DYNC1H1: variants seen among roughly 807,000 people sequenced by gnomAD.
DYNC1H1 encodes cytoplasmic dynein 1 heavy chain 1.
In DYNC1H1, 51 loss-of-function variants were observed where a neutral mutation model predicts 527.1. That is an observed-to-expected ratio of 0.10 (90% CI 0.08 to 0.12). The LOEUF is 0.12. DYNC1H1 is among the 10% of genes least tolerant of loss of function. The probability of loss-of-function intolerance (pLI) is 1.00; values close to 1 mark genes in which losing one functional copy is unlikely to be tolerated. For synonymous variants in DYNC1H1, 2,189 were observed against 2,278.8 expected (o/e 0.96, Z 1.12); for missense variants, 2,771 against 5,971.8 (o/e 0.46, Z 17.66).
At chr14:101,975,449 T>G (rs1346019682) in intron 1 of DYNC1H1, among the ~76,000 whole-genome samples, 7 of 152,180 alleles carry the variant, frequency 4.6e-5, no homozygotes, top group Admixed American at 2.0e-4. Flanking sequence ...TTCCAGTGCT[T>G]TCATGCACCA....
rs2048870873 is a variant in DYNC1H1 at position 102,055,820 on chromosome 14, C to T, written c.*5257C>T. The T allele has an allele frequency of 6.6e-6, 1 of 152,554 alleles. No homozygotes were observed. The highest frequency in any genetic ancestry group is 2.4e-5 in the African/African-American group (1 of 41,458). The allele number at this position is 152,554 out of a possible 1,614,324, so 9.5% of individuals were successfully genotyped here. A position where few individuals can be genotyped will look rare whatever the true frequency, so the allele number is the denominator to read the frequency against. ...TCAAAACATGTCCAGAATTCAGCCA[C>T]ATCTCCCCACTTCCCCGCCTGGCCC... On this transcript the variant is annotated 3_prime_UTR_variant, in exon 78 of 78. Transcript: ENST00000360184.
At chr14:102,025,968 AC>A (rs2048445260) in intron 43 of DYNC1H1, among the ~76,000 whole-genome samples, 3 of 152,048 alleles carry the variant, frequency 2.0e-5, no homozygotes, top group Non-Finnish European at 4.4e-5. Context: ...TACAAAAATT[AC>A]CTGGGCATGG....
At chr14:102,047,540 AATATAT>A (rs1201814640) in intron 72 of DYNC1H1, 3 of 206,528 alleles carry the variant, frequency 1.5e-5, no homozygotes, top group South Asian at 1.6e-4. Flanking sequence ...CCATCTCAAA[AATATAT>A]ATATACACAC....
chr14:102,027,019 C>A lies in DYNC1H1; in HGVS notation c.8772-155C>A. The A allele has an allele frequency of 2.1e-6, 2 of 958,118 alleles. No individual in the cohort carries two copies. The highest frequency in any genetic ancestry group is 1.3e-5 in the South Asian group (1 of 75,662). 59.4% of individuals were successfully genotyped at this position (958,118 alleles called of 1,614,324 possible). On this transcript the variant is annotated intron_variant, in intron 44 of 77. Transcript: ENST00000360184. This position sits in a 1 kb window ranked among gnomAD's most constrained non-coding sequence, Gnocchi z 7.7. ...ACCGTGTCTTACTGGTCTTTGCATT[C>A]CTCCTGGACTTCACAAATAACAGTT...
In DYNC1H1 at chr14:102,034,438, G is replaced by C; in HGVS notation, c.10740G>C (p.Leu3580=). 2 of 1,613,028 alleles carry C rather than the reference G, an allele frequency of 1.2e-6. No homozygotes were observed. Among genetic ancestry groups the C allele is most frequent in the Non-Finnish European group, 1.7e-6 (2 of 1,180,042 alleles). ...DDLCTENAIM[L]KRFNRYPLII... ...TTTGCACAGAAAATGCCATCATGCT[G>C]AAACGATTCAATAGGTATGAGCTCG... Residue 3580 remains leucine, a synonymous_variant, in exon 56 of 78, where the codon CTG becomes CTC. Transcript: ENST00000360184.
At chr14:102,040,478 C>A in intron 63 of DYNC1H1, 68 bp downstream of exon 63, 1 of 1,612,314 alleles carries the variant, frequency 6.2e-7, no homozygotes, top group South Asian at 1.1e-5. Context: ...TAAGGAATTG[C>A]ATGTGGTATA....
In DYNC1H1 at chr14:102,049,778, A is replaced by T; in HGVS notation, c.13580A>T (p.Tyr4527Phe). 1 of 1,613,896 alleles carries T rather than the reference A, an allele frequency of 6.2e-7. No individual in the cohort carries two copies. Among genetic ancestry groups the T allele is most frequent in the Non-Finnish European group, 8.5e-7 (1 of 1,180,028 alleles). Residue 4527 changes from tyrosine to phenylalanine, a missense_variant, in exon 76 of 78, where the codon TAT (tyrosine) becomes TTT (phenylalanine). Tyr to Phe is a conservative substitution (Grantham distance 22, BLOSUM62 3). This residue lies in a region of DYNC1H1 where 5 missense variants were observed against 28.5 expected (regional missense o/e 0.18). Transcript: ENST00000360184. The surrounding 1 kb of genome is among the most constrained non-coding windows in gnomAD (Gnocchi z 5.5). ...PEAYITATRQYVAQANSWSLE... is the reference protein window; with the variant it reads ...PEAYITATRQFVAQANSWSLE... The stretch of plus-strand genomic sequence containing the variant: ...GCGTACATCACTGCCACCAGGCAGT[A>T]TGTGGCCCAGGCCAACAGCTGGTCC...
At chr14:102,048,817 GGC>G in intron 74 of DYNC1H1, 148 bp downstream of exon 74, 1 of 400,196 alleles carries the variant, frequency 2.5e-6, no homozygotes, top group South Asian at 1.9e-5. Flanking sequence ...CCTCAAGGTG[GGC>G]GGGGGGAGGG....
chr14:102,050,775 A>G lies in DYNC1H1; in HGVS notation c.*212A>G, dbSNP rs955206427. 6 of 659,764 alleles carry G rather than the reference A, an allele frequency of 9.1e-6. No individual in the cohort carries two copies. The highest frequency in any genetic ancestry group is 1.5e-5 in the Non-Finnish European group (6 of 390,040). The allele number at this position is 659,764 out of a possible 1,614,324, so 40.9% of individuals were successfully genotyped here. A position where few individuals can be genotyped will look rare whatever the true frequency, so the allele number is the denominator to read the frequency against. ...CCAATGGCGTGGCTCCTTTGAGGAA[A>G]TAAAACACTAAGCATGAGCCGGCTC... On this transcript the variant is annotated 3_prime_UTR_variant, in exon 78 of 78. Transcript: ENST00000360184.
intron 23 of DYNC1H1, among the ~76,000 whole-genome samples, 174 bp downstream of exon 23, chr14:102,003,139 T>C (rs766492684): frequency 6.6e-6 from 1 of 152,262 alleles, no homozygotes; most frequent in African/African-American, 2.4e-5. Context: ...CAGTGATTAC[T>C]GATTGTACCT....
intron 29 of DYNC1H1, 124 bp from the exon 30 acceptor site, chr14:102,009,719 G>T: frequency 6.7e-7 from 1 of 1,495,272 alleles, no homozygotes; most frequent in Non-Finnish European, 9.1e-7. Flanking sequence ...AGCCCCCGAG[G>T]AAGCGTCTAC....
At chr14:101,994,079 G>A in intron 11 of DYNC1H1, 105 bp from the exon 12 acceptor site, 1 of 1,547,694 alleles carries the variant, frequency 6.5e-7, no homozygotes. Flanking sequence ...ATGCCATTTT[G>A]GTCATGAGCT....
chr14:102,049,935 C>T lies in DYNC1H1; in HGVS notation c.13684+53C>T. 4 of 1,613,670 alleles carry T rather than the reference C, an allele frequency of 2.5e-6. No homozygotes were observed. The South Asian group carries it at 4.4e-5, about 18-fold the overall frequency. On this transcript the variant is annotated intron_variant, in intron 76 of 77. Transcript: ENST00000360184. This position sits in a 1 kb window ranked among gnomAD's most constrained non-coding sequence, Gnocchi z 5.5. The stretch of plus-strand genomic sequence containing the variant: ...GCTCTTTGCAGGTGACCTCGGTGGC[C>T]TGAGACCATTGTTCCCAGATACATG...
rs1003453541 is a variant in DYNC1H1 at position 102,042,977 on chromosome 14, A to T, written c.12513+229A>T. 3 of 577,328 alleles carry T rather than the reference A, an allele frequency of 5.2e-6. No homozygotes were observed. The highest frequency in any genetic ancestry group is 9.5e-6 in the Non-Finnish European group (3 of 315,796). 35.8% of individuals were successfully genotyped at this position (577,328 alleles called of 1,614,324 possible). A position where few individuals can be genotyped will look rare whatever the true frequency, so the allele number is the denominator to read the frequency against. ...CGAGGTGGGAGGATCACTTGAGCCC[A>T]GGAGTTCAAGACTGTCTGGGCAGGC... On this transcript the variant is annotated intron_variant, in intron 69 of 77. Transcript: ENST00000360184. This position sits in a 1 kb window ranked among gnomAD's most constrained non-coding sequence, Gnocchi z 5.7.
chr14:101,986,032 G>A lies in DYNC1H1; in HGVS notation c.1807G>A (p.Glu603Lys). The A allele has an allele frequency of 6.2e-7, 1 of 1,614,180 alleles. No individual in the cohort carries two copies. Among genetic ancestry groups the A allele is most frequent in the Non-Finnish European group, 8.5e-7 (1 of 1,180,040 alleles). The change falls in exon 8 of 78, where the codon GAA becomes AAA. Residue 603 changes from glutamate to lysine, a missense_variant. Around this residue, in one of 32 missense-constraint regions of DYNC1H1, gnomAD observed 264 missense variants for 619.4 expected, o/e 0.43. Coordinates refer to ENST00000360184, the MANE Select transcript of DYNC1H1 (RefSeq NM_001376.5). The surrounding 1 kb of genome is among the most constrained non-coding windows in gnomAD (Gnocchi z 8.7). ...GCCTCACATCCGTGGGGCCATTCGC[G>A]AATACCAGACCCAGCTGATCCAGCG... ...VRPHIRGAIR[E>K]YQTQLIQRVK...
Position 102,027,936 on chromosome 14 carries a change from G to A in DYNC1H1, c.9264-1G>A, listed in dbSNP as rs1194895253. 1 of 1,614,170 alleles carries A rather than the reference G, an allele frequency of 6.2e-7. No homozygotes were observed. ...TCCTGAAACATGGGCCTCTTTCTCAGGTGTGTGTTGAATTGGTTTGGAGAC... is the reference window on the plus strand; with the variant it reads ...TCCTGAAACATGGGCCTCTTTCTCAAGTGTGTGTTGAATTGGTTTGGAGAC... On this transcript the variant is annotated splice_acceptor_variant, in intron 47 of 77. Transcript: ENST00000360184. LOFTEE classifies it high-confidence loss of function. This position sits in a 1 kb window ranked among gnomAD's most constrained non-coding sequence, Gnocchi z 7.7.
chr14:101,988,340 G>A (rs2047959022), intron 9 of DYNC1H1, among the ~76,000 whole-genome samples: 1 of 152,226 alleles, frequency 6.6e-6, no homozygotes, highest in Non-Finnish European at 1.5e-5. Context: ...CCGTAGACAA[G>A]TGGGGATGGG....
chr14:101,998,027 AGT>A (rs2048084129), intron 16 of DYNC1H1, among the ~76,000 whole-genome samples: 1 of 152,174 alleles, frequency 6.6e-6, no homozygotes, highest in Non-Finnish European at 1.5e-5. Flanking sequence ...TGTAGATAAC[AGT>A]GTGTGTGGTT....
chr14:102,015,468 G>A lies in DYNC1H1; in HGVS notation c.7242+136G>A. On this transcript the variant is annotated intron_variant, in intron 35 of 77. Transcript: ENST00000360184. This position sits in a 1 kb window ranked among gnomAD's most constrained non-coding sequence, Gnocchi z 6.9. ...ACCTGCCTTGGCCTCTCAAAGTGCTGGGATTACAGGCATGAGTCACTGTAC... is the reference window on the plus strand; with the variant it reads ...ACCTGCCTTGGCCTCTCAAAGTGCTAGGATTACAGGCATGAGTCACTGTAC... 9.7e-7 allele frequency: 1 copy of A among 1,034,396 alleles called. No homozygotes were observed. Among genetic ancestry groups the A allele is most frequent in the Non-Finnish European group, 1.4e-6 (1 of 720,390 alleles). The allele number at this position is 1,034,396 out of a possible 1,614,324, so 64.1% of individuals were successfully genotyped here. A position where few individuals can be genotyped will look rare whatever the true frequency, so the allele number is the denominator to read the frequency against.
Sources: gnomAD v4.1 joint callset for allele counts (sites outside exome capture counted in the v4.1 genomes callset) on GRCh38, gnomAD v4.1.1 for gene constraint, gnomAD v4.1.1 regional missense constraint, Gnocchi (gnomAD v3.1) non-coding constraint, MANE v1.5 for transcripts, NCBI Gene and HGNC (gene_info 2026-07-23, HGNC 2026-07-21) for gene names.